The following DSCAM variants were observed in gnomAD, a reference collection of about 807,000 sequenced individuals.
The protein encoded by DSCAM is DS cell adhesion molecule, also known as cell adhesion molecule DSCAM.
Under a neutral mutation model 217.7 loss-of-function variants are expected in DSCAM, and 47 were observed. That is an observed-to-expected ratio of 0.22 (90% CI 0.17 to 0.28). DSCAM has a LOEUF of 0.28. Among genes scored for constraint, DSCAM ranks in the 10% least tolerant of loss-of-function variants. DSCAM has a pLI of 1.00. For missense variants in DSCAM, 2,080 were observed against 2,618.3 expected (o/e 0.79, Z 4.49); for synonymous variants, 1,056 against 1,015.3 (o/e 1.04, Z -0.76).
intron 1 of DSCAM, among the ~76,000 whole-genome samples, chr21:40,814,034 T>C (rs2091860967): frequency 6.6e-6 from 1 of 152,164 alleles, no homozygotes; most frequent in Non-Finnish European, 1.5e-5. Context: ...TCTCTTGCAG[T>C]TTTCCAGTGG....
chr21:40,484,309 C>T (rs1229823370), intron 3 of DSCAM, among the ~76,000 whole-genome samples: 1 of 149,800 alleles, frequency 6.7e-6, no homozygotes, highest in Non-Finnish European at 1.5e-5. Context: ...CTATCTATAC[C>T]TTAGCTTGTC....
At chr21:40,473,467 G>A (rs534550461) in intron 3 of DSCAM, among the ~76,000 whole-genome samples, 3 of 152,268 alleles carry the variant, frequency 2.0e-5, no homozygotes, top group South Asian at 2.1e-4. Context: ...GATAGACTGC[G>A]GATGCCGACC....
At chr21:40,668,356 G>A (rs2090228431) in intron 3 of DSCAM, among the ~76,000 whole-genome samples, 1 of 152,206 alleles carries the variant, frequency 6.6e-6, no homozygotes, top group Non-Finnish European at 1.5e-5. Flanking sequence ...GCAGGGAAGT[G>A]GTCTTCAGTG....
intron 1 of DSCAM, among the ~76,000 whole-genome samples, chr21:40,766,598 A>G (rs936708615): frequency 6.7e-6 from 1 of 149,812 alleles, no homozygotes; most frequent in East Asian, 2.0e-4. Flanking sequence ...AGCCTCACCC[A>G]ACTGACAGCT....
At chr21:40,702,928 C>T (rs1006347208) in intron 2 of DSCAM, among the ~76,000 whole-genome samples, 1 of 152,142 alleles carries the variant, frequency 6.6e-6, no homozygotes, top group East Asian at 1.9e-4. Flanking sequence ...GGCCTTAATG[C>T]TATTGTTGCT....
At position 40,013,268 on chromosome 21, in the gene DSCAM, C is replaced by G. The variant is rs201547057; in HGVS notation, c.5805G>C (p.Arg1935=). ...CCAGGACCGTGGGGCGCTTCAGGGT[C>G]CGGCTTTTCTGAGGTTCCAAGCATG... ...GQACLEPQKS[R]TLKRPTVLEP... The change falls in exon 33 of 33, where the codon CGG becomes CGC. Residue 1935 remains arginine, a synonymous_variant. Coordinates refer to ENST00000400454, the MANE Select transcript of DSCAM (RefSeq NM_001389.5). The G allele has an allele frequency of 1.2e-6, 2 of 1,613,804 alleles. No individual in the cohort carries two copies. Among genetic ancestry groups the G allele is most frequent in the Admixed American group, 1.7e-5 (1 of 59,970 alleles).
chr21:40,756,496 A>AC (rs1251227762), intron 1 of DSCAM, among the ~76,000 whole-genome samples: 1 of 151,868 alleles, frequency 6.6e-6, no homozygotes, highest in African/African-American at 2.4e-5. Flanking sequence ...GGTTCAAGTG[A>AC]TTGTCCTGCC....
chr21:40,179,906 G>A (rs1394158117), intron 14 of DSCAM, among the ~76,000 whole-genome samples: 1 of 152,176 alleles, frequency 6.6e-6, no homozygotes, highest in Admixed American at 6.5e-5. Flanking sequence ...TCGACAGCTG[G>A]TATTGGCTGG....
chr21:40,269,949 A>G (rs1305541588), intron 11 of DSCAM, among the ~76,000 whole-genome samples: 1 of 152,188 alleles, frequency 6.6e-6, no homozygotes, highest in East Asian at 1.9e-4. Flanking sequence ...GACGGGAAAT[A>G]ATTCAATTTT....
intron 3 of DSCAM, among the ~76,000 whole-genome samples, chr21:40,617,827 A>C (rs573788060): frequency 6.6e-6 from 1 of 152,338 alleles, no homozygotes; most frequent in South Asian, 2.1e-4. Flanking sequence ...ATCTAGAAAT[A>C]GAGACTCTGC....
intron 3 of DSCAM, among the ~76,000 whole-genome samples, chr21:40,546,997 T>C (rs1372812450): frequency 3.3e-5 from 5 of 152,082 alleles, no homozygotes; most frequent in Non-Finnish European, 7.3e-5. Context: ...GCATTTCTTC[T>C]TGAGGCCCAT....
At chr21:40,396,982 T>C (rs2075184279) in intron 3 of DSCAM, among the ~76,000 whole-genome samples, 1 of 152,130 alleles carries the variant, frequency 6.6e-6, no homozygotes, top group Non-Finnish European at 1.5e-5. Context: ...CCTATCATGA[T>C]TGCCTAACTG....
At chr21:40,141,512 A>T (rs986879871) in intron 18 of DSCAM, among the ~76,000 whole-genome samples, 7 of 152,162 alleles carry the variant, frequency 4.6e-5, no homozygotes, top group Admixed American at 4.6e-4. Flanking sequence ...GCTACTTGGG[A>T]GGCTGAGGCA....
intron 3 of DSCAM, among the ~76,000 whole-genome samples, chr21:40,448,837 T>A (rs2075696350): frequency 1.3e-5 from 2 of 152,318 alleles, no homozygotes; most frequent in South Asian, 4.1e-4. Flanking sequence ...ATATTTATTT[T>A]GTTTTCTTGT....
chr21:40,490,706 G>A (rs2076070000), intron 3 of DSCAM, among the ~76,000 whole-genome samples: 1 of 152,162 alleles, frequency 6.6e-6, no homozygotes, highest in Admixed American at 6.5e-5. Flanking sequence ...TTGTTAATGT[G>A]CTTTCTTTGC....
At chr21:40,637,310 TAAATATATATAAATATAAATATATATAA>T (rs1568954103) in intron 3 of DSCAM, among the ~76,000 whole-genome samples, 1 of 25,950 alleles carries the variant, frequency 3.9e-5, no homozygotes, top group African/African-American at 1.6e-4. Flanking sequence ...AATATATATA[TAAATATATATAAATATAAATATATATAA>T]AAATATATAT....
intron 3 of DSCAM, among the ~76,000 whole-genome samples, chr21:40,426,301 T>C (rs2145885719): frequency 6.6e-6 from 1 of 152,364 alleles, no homozygotes; most frequent in Middle Eastern, 3.4e-3. Flanking sequence ...CTTTACAAGA[T>C]CCATGGACAG....
intron 8 of DSCAM, among the ~76,000 whole-genome samples, chr21:40,329,778 AT>A (rs1342801718): frequency 6.6e-6 from 1 of 152,134 alleles, no homozygotes; most frequent in Non-Finnish European, 1.5e-5. Flanking sequence ...ATTAAGTGAA[AT>A]AAGCCAGGCA....
chr21:40,664,632 T>G (rs4818156), intron 3 of DSCAM, among the ~76,000 whole-genome samples: 121,420 of 152,166 alleles, frequency 0.8, 50,204 homozygotes, highest in East Asian at 0.98. Context: ...TTGGCCAGAC[T>G]GGGAGCCACT....
Sources: gnomAD v4.1 joint callset for allele counts (sites outside exome capture counted in the v4.1 genomes callset) on GRCh38, gnomAD v4.1.1 for gene constraint, MANE v1.5 for transcripts, NCBI Gene and HGNC (gene_info 2026-07-23, HGNC 2026-07-21) for gene names.